Variants in ME1 observed in about 807,000 individuals in gnomAD.
ME1 encodes NADP-dependent malic enzyme.
A neutral mutation model predicts 66.4 loss-of-function variants in ME1; 74 were observed. The ratio of observed to expected loss-of-function variants is 1.11; its 90% CI spans 0.92 to 1.35. The LOEUF (loss-of-function observed/expected upper bound fraction) is 1.35, where lower values mean the gene tolerates loss of function less well. ME1 is among the 40% of genes most tolerant of loss of function. The pLI is 0.00. For synonymous variants in ME1, 251 were observed against 235.6 expected (o/e 1.07, Z -0.60); for missense variants, 750 against 694.1 (o/e 1.08, Z -0.90).
intron 3 of ME1, among the ~76,000 whole-genome samples, chr6:83,386,561 G>T (rs1414662064): frequency 6.6e-6 from 1 of 151,846 alleles, no homozygotes; most frequent in African/African-American, 2.4e-5. Flanking sequence ...ACACATCTCA[G>T]AGTGAGAGGA....
intron 5 of ME1, among the ~76,000 whole-genome samples, chr6:83,340,100 T>A (rs1768549667): frequency 6.6e-6 from 1 of 152,172 alleles, no homozygotes; most frequent in Non-Finnish European, 1.5e-5. Flanking sequence ...GAAAAGCTAT[T>A]AAGTTTTGAA....
chr6:83,285,928 G>A (rs1172290118), intron 6 of ME1, among the ~76,000 whole-genome samples: 3 of 151,958 alleles, frequency 2.0e-5, no homozygotes, highest in Admixed American at 6.6e-5. Context: ...GTTCGGATAC[G>A]GCTTATCTTC....
intron 7 of ME1, among the ~76,000 whole-genome samples, chr6:83,243,386 A>G (rs1249351334): frequency 1.6e-5 from 1 of 60,966 alleles, no homozygotes; most frequent in Non-Finnish European, 3.1e-5. Flanking sequence ...GATTATATTT[A>G]TATATTTATA....
intron 6 of ME1, among the ~76,000 whole-genome samples, chr6:83,270,162 A>G (rs1767058826): frequency 1.3e-5 from 2 of 152,144 alleles, no homozygotes; most frequent in Admixed American, 1.3e-4. Context: ...TGATATTACC[A>G]TACTTCAGTT....
chr6:83,427,071 T>C (rs1002587686), intron 1 of ME1, among the ~76,000 whole-genome samples: 12 of 152,178 alleles, frequency 7.9e-5, no homozygotes, highest in Admixed American at 3.9e-4. Context: ...TATTAGACCA[T>C]ATCCCTGAAA....
chr6:83,341,298 C>A (rs1231561972), intron 5 of ME1, among the ~76,000 whole-genome samples: 1 of 152,154 alleles, frequency 6.6e-6, no homozygotes, highest in African/African-American at 2.4e-5. Context: ...CCCTATGCAT[C>A]TCTTCTTTTG....
At chr6:83,357,933 CTCTATATATA>C (rs1456275394) in intron 3 of ME1, among the ~76,000 whole-genome samples, 136 of 44,936 alleles carry the variant, frequency 3.0e-3, no homozygotes, top group African/African-American at 6.3e-3. Flanking sequence ...CTCTCTCTCT[CTCTATATATA>C]TATATATATA....
chr6:83,346,321 G>C lies in ME1; in HGVS notation c.452C>G (p.Thr151Ser). 1 of 1,605,350 alleles carries C rather than the reference G, an allele frequency of 6.2e-7. No homozygotes were observed. Among genetic ancestry groups the C allele is most frequent in the Non-Finnish European group, 8.5e-7 (1 of 1,175,652 alleles). ...PEDVIKAIVV[T>S]DGERILGLGD... is the part of the protein sequence containing the mutation. The stretch of plus-strand genomic sequence containing the variant: ...CAAGCCAAGAATACGCTCTCCATCA[G>C]TCACCACAATGGCCTGGAAGAAAAA... The change falls in exon 5 of 14, where the codon ACT (threonine) becomes AGT (serine). Residue 151 changes from threonine (T) to serine (S), a missense_variant. By Grantham distance (58) the Thr-to-Ser change is moderately conservative. Transcript: ENST00000369705.
chr6:83,243,887 GTA>G (rs370591861), intron 7 of ME1, among the ~76,000 whole-genome samples: 62 of 127,492 alleles, frequency 4.9e-4, no homozygotes, highest in Non-Finnish European at 7.5e-4. Context: ...ATGTGTGTGT[GTA>G]TATATATATA....
chr6:83,342,671 A>C (rs1006454261), intron 5 of ME1, among the ~76,000 whole-genome samples: 3 of 152,064 alleles, frequency 2.0e-5, no homozygotes, highest in African/African-American at 7.2e-5. Context: ...TAGGGAGTCC[A>C]TCATCTTGAG....
At chr6:83,218,894 C>T (rs1008124344) in intron 12 of ME1, among the ~76,000 whole-genome samples, 3 of 152,142 alleles carry the variant, frequency 2.0e-5, no homozygotes, top group African/African-American at 7.2e-5. Flanking sequence ...GCAGGCCTCT[C>T]CTACTGCAGG....
At chr6:83,357,902 C>CTCTCTCTCTCTCTCTCTCTCTCTCTCTCT (rs1768921889) in intron 3 of ME1, among the ~76,000 whole-genome samples, 1 of 31,560 alleles carries the variant, frequency 3.2e-5, no homozygotes, top group Non-Finnish European at 5.3e-5. Context: ...AATAAACTCC[C>CTCTCTCTCTCTCTCTCTCTCTCTCTCTCT]CTCTCTCTCT....
intron 5 of ME1, among the ~76,000 whole-genome samples, chr6:83,330,726 A>ATAT (rs1768389956): frequency 6.6e-6 from 1 of 152,228 alleles, no homozygotes; most frequent in South Asian, 2.1e-4. Flanking sequence ...GTGTGCATAA[A>ATAT]ATCAAACTAA....
chr6:83,302,180 C>T (rs897922211), intron 6 of ME1, among the ~76,000 whole-genome samples: 1 of 152,130 alleles, frequency 6.6e-6, no homozygotes, highest in African/African-American at 2.4e-5. Flanking sequence ...AGGCCATTAT[C>T]CTTAGCAAAC....
intron 2 of ME1, among the ~76,000 whole-genome samples, chr6:83,405,691 T>C (rs2128551683): frequency 6.6e-6 from 1 of 151,220 alleles, no homozygotes; most frequent in Non-Finnish European, 1.5e-5. Context: ...CAGTACCTAG[T>C]TTATTGAGAG....
chr6:83,271,304 C>G (rs1402599760), intron 6 of ME1, among the ~76,000 whole-genome samples: 1 of 152,208 alleles, frequency 6.6e-6, no homozygotes, highest in Non-Finnish European at 1.5e-5. Flanking sequence ...TGTCTGAAAA[C>G]CATTTTCTCT....
At chr6:83,271,321 G>C (rs1767078523) in intron 6 of ME1, among the ~76,000 whole-genome samples, 1 of 152,146 alleles carries the variant, frequency 6.6e-6, no homozygotes, top group African/African-American at 2.4e-5. Context: ...CTCTTTTCCT[G>C]GGGTGGCTCT....
chr6:83,358,086 A>G (rs1034027979), intron 3 of ME1, among the ~76,000 whole-genome samples: 3 of 150,804 alleles, frequency 2.0e-5, no homozygotes, highest in Non-Finnish European at 4.4e-5. Flanking sequence ...CTAGTGGAAA[A>G]GAATATTAAG....
At chr6:83,407,714 A>T in intron 2 of ME1, 54 bp downstream of exon 2, 1 of 1,446,758 alleles carries the variant, frequency 6.9e-7, no homozygotes, top group Non-Finnish European at 9.1e-7. Context: ...AATAAAAAAT[A>T]AACTAGACAA....
Sources: gnomAD v4.1 joint callset for allele counts (sites outside exome capture counted in the v4.1 genomes callset) on GRCh38, gnomAD v4.1.1 for gene constraint, MANE v1.5 for transcripts, NCBI Gene and HGNC (gene_info 2026-07-23, HGNC 2026-07-21) for gene names.